Variants in KLKB1 observed in about 807,000 individuals in gnomAD.
KLKB1 encodes kallikrein B1.
In KLKB1, 58 loss-of-function variants were observed where a neutral mutation model predicts 73.6. The ratio of observed to expected loss-of-function variants is 0.79; its 90% confidence interval spans 0.64 to 0.98. The LOEUF is 0.98. Ranked by LOEUF, KLKB1 falls within the 50% of genes least tolerant of loss-of-function variation. The probability of loss-of-function intolerance (pLI) is 0.00; values close to 1 mark genes in which losing one functional copy is unlikely to be tolerated. For synonymous variants in KLKB1, 280 were observed against 258.1 expected, an observed-to-expected ratio of 1.08 and a Z score of -0.81; for missense variants, 737 against 763.8, an observed-to-expected ratio of 0.96 and a Z score of 0.41.
intron 6 of KLKB1, among the ~76,000 whole-genome samples, chr4:186,240,880 T>C (rs1714134585): frequency 6.6e-6 from 1 of 152,218 alleles, no homozygotes; most frequent in African/African-American, 2.4e-5. Flanking sequence ...CCAGCCCTGT[T>C]GCTGGAAGGA....
chr4:186,227,623 A>G (rs1395230042), intron 1 of KLKB1, 36 bp downstream of exon 1: 1 of 152,266 alleles, frequency 6.6e-6, no homozygotes, highest in East Asian at 1.9e-4. Context: ...GTTTCCAAAT[A>G]AACTATAATT....
At chr4:186,222,619 T>C (rs146871788), upstream of KLKB1, among the ~76,000 whole-genome samples, 1 of 152,328 alleles carries the variant, frequency 6.6e-6, no homozygotes, top group East Asian at 1.9e-4. Context: ...TAGCAAATTG[T>C]TGTAGTTATA....
At chr4:186,213,492 CA>C (rs1439267295) in intron 2 of KLKB1, 2 of 152,192 alleles carry the variant, frequency 1.3e-5, no homozygotes, top group African/African-American at 4.8e-5. Flanking sequence ...GATTTTCTAA[CA>C]AAAGGTTCCT....
In KLKB1 at chr4:186,258,202, C is replaced by T; in HGVS notation, c.1907C>T (p.Ser636Leu). ...QSSDGKAQMQSPA is the reference protein window; with the variant it reads ...QSSDGKAQMQLPA ...AGTGATGGAAAAGCTCAGATGCAGT[C>T]ACCAGCATGAGAAGCAGTCCAGAGT... Residue 636 changes from serine to leucine, a missense_variant, in exon 15 of 15, where the codon TCA (serine) becomes TTA (leucine). Ser to Leu is a moderately radical substitution (Grantham distance 145, BLOSUM62 -2). Coordinates refer to ENST00000264690, the MANE Select transcript of KLKB1 (RefSeq NM_000892.5). 1 of 1,613,878 alleles carries T rather than the reference C, an allele frequency of 6.2e-7. No individual in the cohort carries two copies.
intron 6 of KLKB1, among the ~76,000 whole-genome samples, chr4:186,241,809 A>G (rs758220001): frequency 2.0e-5 from 3 of 152,250 alleles, no homozygotes; most frequent in East Asian, 1.9e-4. Context: ...ACCAGATGGC[A>G]TACTTGAAAT....
chr4:186,255,387 C>A (rs906008807), intron 12 of KLKB1, among the ~76,000 whole-genome samples: 4 of 152,016 alleles, frequency 2.6e-5, no homozygotes, highest in Admixed American at 6.6e-5. Context: ...ACAGTGAGAC[C>A]CCGTCTCTAC....
chr4:186,242,385 G>A (rs1289673794), intron 6 of KLKB1, among the ~76,000 whole-genome samples: 2 of 152,128 alleles, frequency 1.3e-5, no homozygotes, highest in African/African-American at 4.8e-5. Context: ...TTGGGGTGGC[G>A]AAAGTTTTTG....
intron 2 of KLKB1, chr4:186,211,004 T>G (rs1004001099): frequency 7.6e-5 from 18 of 236,610 alleles, no homozygotes; most frequent in African/African-American, 1.4e-4. Flanking sequence ...GCCTGGCTAA[T>G]TTTTTTGTAT....
At chr4:186,239,033 G>A (rs1248954443) in intron 6 of KLKB1, among the ~76,000 whole-genome samples, 11 of 132,882 alleles carry the variant, frequency 8.3e-5, no homozygotes, top group Admixed American at 7.4e-4. Flanking sequence ...CAGTGATACT[G>A]TTAGAGTTAT....
intron 2 of KLKB1, chr4:186,211,199 T>C (rs1736708011): frequency 6.5e-6 from 1 of 153,290 alleles, no homozygotes; most frequent in Non-Finnish European, 1.5e-5. Context: ...ACAAAAGTAG[T>C]TAATTGTGTC....
intron 4 of KLKB1, among the ~76,000 whole-genome samples, chr4:186,236,034 A>G (rs1737660146): frequency 6.6e-6 from 1 of 150,722 alleles, no homozygotes; most frequent in African/African-American, 2.4e-5. Context: ...GAATGGCGTG[A>G]ACCCGGGAGG....
At chr4:186,234,875 G>A (rs756769744) in intron 4 of KLKB1, among the ~76,000 whole-genome samples, 1 of 152,146 alleles carries the variant, frequency 6.6e-6, no homozygotes, top group South Asian at 2.1e-4. Context: ...TTCAACTGAT[G>A]GGTTGTCAGA....
chr4:186,228,553 A>C (rs1195003938), intron 2 of KLKB1, among the ~76,000 whole-genome samples: 1 of 152,246 alleles, frequency 6.6e-6, no homozygotes, highest in Non-Finnish European at 1.5e-5. Context: ...GAAACAAAAA[A>C]AAATTAGTCC....
At chr4:186,251,175 G>T in intron 7 of KLKB1, 44 bp from the exon 8 acceptor site, 1 of 1,345,900 alleles carries the variant, frequency 7.4e-7, no homozygotes, top group Non-Finnish European at 1.1e-6. Context: ...TGCCTTTAAT[G>T]CAAATTTCTT....
chr4:186,257,142 A>T, intron 13 of KLKB1, 84 bp from the exon 14 acceptor site: 1 of 730,906 alleles, frequency 1.4e-6, no homozygotes, highest in Non-Finnish European at 2.1e-6. Flanking sequence ...TATTGTGGGA[A>T]TAATAATATT....
At chr4:186,254,851 G>T in intron 12 of KLKB1, 88 bp downstream of exon 12, 1 of 1,211,304 alleles carries the variant, frequency 8.3e-7, no homozygotes. Flanking sequence ...GACCTAGAGA[G>T]ACTGTCGTCG....
chr4:186,217,288 T>TTGG (rs1554075627), intron 2 of KLKB1, among the ~76,000 whole-genome samples: 1 of 151,886 alleles, frequency 6.6e-6, no homozygotes, highest in Non-Finnish European at 1.5e-5. Context: ...TCCCAGTTGT[T>TTGG]TTGTTGTTGT....
intron 2 of KLKB1, among the ~76,000 whole-genome samples, chr4:186,219,527 A>G (rs1444937081): frequency 6.6e-6 from 1 of 152,244 alleles, no homozygotes; most frequent in Non-Finnish European, 1.5e-5. Flanking sequence ...AAGAAAGGAA[A>G]TAAAATGAAG....
chr4:186,243,440 G>A (rs1303854363), intron 6 of KLKB1, among the ~76,000 whole-genome samples: 1 of 152,164 alleles, frequency 6.6e-6, no homozygotes, highest in Non-Finnish European at 1.5e-5. Flanking sequence ...GGGAGTGACA[G>A]ATGAGGAAGA....
Sources: gnomAD v4.1 joint callset for allele counts (sites outside exome capture counted in the v4.1 genomes callset) on GRCh38, gnomAD v4.1.1 for gene constraint, MANE v1.5 for transcripts, NCBI Gene and HGNC (gene_info 2026-07-23, HGNC 2026-07-21) for gene names.